Variants in PIK3C2G observed in about 807,000 individuals in gnomAD.
The protein encoded by PIK3C2G is phosphatidylinositol 3-kinase C2 domain-containing subunit gamma.
A neutral mutation model predicts 181.1 loss-of-function variants in PIK3C2G; 168 were observed. The observed-to-expected ratio is 0.93, with a 90% CI of 0.82 to 1.05. PIK3C2G has a LOEUF of 1.05. Among genes scored for constraint, PIK3C2G ranks in the 50% least tolerant of loss-of-function variants. The probability of loss-of-function intolerance (pLI) is 0.00; values close to 1 mark genes in which losing one functional copy is unlikely to be tolerated. For synonymous variants in PIK3C2G, 573 were observed against 592.2 expected, an observed-to-expected ratio of 0.97 and a Z score of 0.47; for missense variants, 1,869 against 1,732.8, an observed-to-expected ratio of 1.08 and a Z score of -1.40.
chr12:18,514,076 A>AT (rs1208847991), intron 24 of PIK3C2G, among the ~76,000 whole-genome samples: 1 of 151,640 alleles, frequency 6.6e-6, no homozygotes, highest in Non-Finnish European at 1.5e-5. Flanking sequence ...TGTACTTTTT[A>AT]TATTTTCTGT....
intron 15 of PIK3C2G, among the ~76,000 whole-genome samples, chr12:18,397,005 T>C (rs1002208381): frequency 2.0e-5 from 3 of 151,848 alleles, no homozygotes; most frequent in Admixed American, 6.6e-5. Context: ...CTTCATAACT[T>C]GTATGGATTC....
intron 24 of PIK3C2G, among the ~76,000 whole-genome samples, chr12:18,518,824 T>TA (rs1337262843): frequency 1.3e-5 from 2 of 152,214 alleles, no homozygotes; most frequent in Non-Finnish European, 2.9e-5. Context: ...ATTGTGATGT[T>TA]AGAGTGCTGA....
intron 18 of PIK3C2G, chr12:18,424,878 T>G (rs1401903086): frequency 9.7e-6 from 2 of 205,560 alleles, no homozygotes; most frequent in African/African-American, 2.3e-5. Context: ...ATACCTACCA[T>G]TTCCTGTACT....
intron 11 of PIK3C2G, chr12:18,359,098 G>A (rs1305294488): frequency 6.6e-6 from 1 of 152,380 alleles, no homozygotes. Context: ...CTCAATGGCA[G>A]CCACTGCACC....
intron 25 of PIK3C2G, among the ~76,000 whole-genome samples, chr12:18,542,469 G>A (rs1565491107): frequency 6.6e-6 from 1 of 151,762 alleles, no homozygotes; most frequent in Non-Finnish European, 1.5e-5. Context: ...GTAAACTTCT[G>A]TCACAGGGAT....
rs138701657 is a variant in PIK3C2G at position 18,577,914 on chromosome 12, G to A, written c.4011+10857G>A. Among the ~76,000 whole-genome samples the A allele has an allele frequency of 5.8e-3, 886 of 152,270 alleles. 2 individuals are homozygous for A. Among genetic ancestry groups the A allele is most frequent in the Middle Eastern group, 0.01 (3 of 294 alleles). ...GACAGTGAGGAGCCTCGGCGTATTA[G>A]CTGCCACATTGAAAATCACTGTCTT... On this transcript the variant is annotated intron_variant, in intron 29 of 32. Coordinates refer to ENST00000538779, the MANE Select transcript of PIK3C2G (RefSeq NM_001288772.2).
intron 7 of PIK3C2G, among the ~76,000 whole-genome samples, chr12:18,324,218 C>CAAA (rs890423728): frequency 7.4e-6 from 1 of 135,352 alleles, no homozygotes; most frequent in Admixed American, 7.5e-5. Context: ...CACTCCGTCT[C>CAAA]AAAAAAAAAA....
Position 18,310,845 on chromosome 12 carries a change from T to G in PIK3C2G, c.1035-3117T>G, listed in dbSNP as rs1341976164. Among the ~76,000 whole-genome samples the G allele has an allele frequency of 2.0e-5, 3 of 152,032 alleles. No individual in the cohort carries two copies. In the East Asian group the frequency reaches 5.8e-4, roughly 29 times the overall value. ...TACTATAACTTGGATAGCTGAGACT[T>G]CTCTGATTAAAAGTCAAAGACTCAA... On this transcript the variant is annotated intron_variant, in intron 5 of 32. Coordinates refer to ENST00000538779, the MANE Select transcript of PIK3C2G (RefSeq NM_001288772.2).
chr12:18,692,623 C>A, the PIK3C2G span: 1 of 576,524 alleles, frequency 1.7e-6, no homozygotes, highest in Admixed American at 3.2e-5. Flanking sequence ...TGAGGTCAAC[C>A]GCAATGGGGC....
At chr12:18,699,570 T>A in the PIK3C2G span, among the ~76,000 whole-genome samples, 1,308 of 152,208 alleles carry the variant, frequency 8.6e-3, 21 homozygotes, top group African/African-American at 0.03. Flanking sequence ...ACATCGGACA[T>A]TCTCAATCAA....
chr12:18,646,671 C>G (rs370725132), intron 32 of PIK3C2G, among the ~76,000 whole-genome samples: 10 of 152,210 alleles, frequency 6.6e-5, no homozygotes, highest in African/African-American at 2.4e-4. Context: ...TATCTTGTGA[C>G]TTGGCTGTAA....
intron 30 of PIK3C2G, among the ~76,000 whole-genome samples, chr12:18,599,128 C>A (rs2136525183): frequency 6.6e-6 from 1 of 152,222 alleles, no homozygotes; most frequent in South Asian, 2.1e-4. Context: ...TACCATTTGA[C>A]CCAGCCATCC....
chr12:18,347,946 A>G (rs1401921168), intron 11 of PIK3C2G, among the ~76,000 whole-genome samples: 4 of 152,110 alleles, frequency 2.6e-5, no homozygotes, highest in Admixed American at 6.6e-5. Context: ...ATCTACACAC[A>G]TATTTGTTTA....
At chr12:18,646,411 C>T (rs945881698) in intron 32 of PIK3C2G, among the ~76,000 whole-genome samples, 11 of 152,094 alleles carry the variant, frequency 7.2e-5, no homozygotes, top group Non-Finnish European at 1.3e-4. Flanking sequence ...AGACCGCATT[C>T]GCATATCATA....
At chr12:18,367,376 G>C (rs1313101544) in intron 12 of PIK3C2G, among the ~76,000 whole-genome samples, 1 of 152,026 alleles carries the variant, frequency 6.6e-6, no homozygotes, top group Non-Finnish European at 1.5e-5. Flanking sequence ...GAAATATCTA[G>C]GTATCCAATT....
intron 30 of PIK3C2G, 63 bp downstream of exon 30, chr12:18,594,632 C>A: frequency 1.2e-6 from 1 of 847,790 alleles, no homozygotes; most frequent in Non-Finnish European, 1.8e-6. Context: ...AAAAAGATAT[C>A]ACAACTAATT....
chr12:18,456,814 T>C (rs375066079), intron 18 of PIK3C2G, among the ~76,000 whole-genome samples: 2 of 152,318 alleles, frequency 1.3e-5, no homozygotes, highest in East Asian at 3.9e-4. Flanking sequence ...TGGGGGCTGC[T>C]TTTTGTTAAA....
At chr12:18,269,626 A>G (rs1452701571) in intron 1 of PIK3C2G, among the ~76,000 whole-genome samples, 1 of 152,214 alleles carries the variant, frequency 6.6e-6, no homozygotes, top group Non-Finnish European at 1.5e-5. Flanking sequence ...TCTGCTACTT[A>G]CTTCCATTCA....
At chr12:18,619,218 CTA>C (rs1328653855) in intron 31 of PIK3C2G, among the ~76,000 whole-genome samples, 6 of 151,756 alleles carry the variant, frequency 4.0e-5, no homozygotes, top group Non-Finnish European at 8.8e-5. Context: ...AGTCTGGAGA[CTA>C]TGGAGAAACA....
Sources: gnomAD v4.1 joint callset for allele counts (sites outside exome capture counted in the v4.1 genomes callset) on GRCh38, gnomAD v4.1.1 for gene constraint, MANE v1.5 for transcripts, NCBI Gene and HGNC (gene_info 2026-07-23, HGNC 2026-07-21) for gene names.